Variants in ADAMTS18 observed in about 807,000 individuals in gnomAD.
ADAMTS18 encodes the protein ADAM metallopeptidase with thrombospondin type 1 motif 18, also known as A disintegrin and metalloproteinase with thrombospondin motifs 18.
Under a neutral mutation model 165.9 loss-of-function variants are expected in ADAMTS18, and 157 were observed. The observed-to-expected ratio is 0.95, with a 90% CI of 0.83 to 1.08. The LOEUF is 1.08. Among genes scored for constraint, ADAMTS18 ranks in the 50% least tolerant of loss-of-function variants. The pLI is 0.00. For synonymous variants in ADAMTS18, 782 were observed against 578.2 expected, an observed-to-expected ratio of 1.35 and a Z score of -5.06; for missense variants, 2,040 against 1,534.0, an observed-to-expected ratio of 1.33 and a Z score of -5.51.
chr16:77,391,939 A>G (rs1162282602), intron 3 of ADAMTS18, among the ~76,000 whole-genome samples: 1 of 152,204 alleles, frequency 6.6e-6, no homozygotes, highest in African/African-American at 2.4e-5. Flanking sequence ...TAACTTTAAT[A>G]AATGTAATTG....
chr16:77,308,510 T>G (rs1225811053), intron 16 of ADAMTS18, among the ~76,000 whole-genome samples: 1 of 151,320 alleles, frequency 6.6e-6, no homozygotes, highest in Non-Finnish European at 1.5e-5. Context: ...CATGAACTAG[T>G]AAGATACCTC....
In ADAMTS18 at chr16:77,341,739, G is replaced by A. The variant is rs769318252; in HGVS notation, c.1675C>T (p.Pro559Ser). Residue 559 changes from proline (P) to serine (S), a missense_variant, in exon 11 of 23, where the codon CCC (proline) becomes TCC (serine). By Grantham distance (74) the Pro-to-Ser change is moderately conservative (BLOSUM62 -1). Transcript: ENST00000282849. ...VGHRCETKFM[P>S]AAEGTVCGLS... The stretch of plus-strand genomic sequence containing the variant: ...CCACAAACGGTCCCTTCTGCTGCGG[G>A]CATAAACTTGGTCTCACACCTGTGG... 6.2e-7 allele frequency: 1 copy of A among 1,613,484 alleles called. No individual in the cohort carries two copies. The highest frequency in any genetic ancestry group is 2.2e-5 in the East Asian group (1 of 44,848).
intron 3 of ADAMTS18, among the ~76,000 whole-genome samples, chr16:77,411,030 G>A (rs117618795): frequency 0.012 from 1,895 of 152,074 alleles, 17 homozygotes; most frequent in South Asian, 0.045. Context: ...TCATTTTCCC[G>A]CAAATGCCAA....
chr16:77,420,002 TAAA>T (rs34486248), intron 3 of ADAMTS18, among the ~76,000 whole-genome samples: 8 of 91,262 alleles, frequency 8.8e-5, no homozygotes, highest in Admixed American at 3.0e-4. Flanking sequence ...TGTCGCAGAT[TAAA>T]AAAAAAAAAA....
chr16:77,292,923 C>T, intron 20 of ADAMTS18, 153 bp downstream of exon 20: 1 of 826,198 alleles, frequency 1.2e-6, no homozygotes, highest in Non-Finnish European at 1.9e-6. Context: ...GGGTTCACGC[C>T]ATGCTCCTGC....
rs2056811731 is a variant in ADAMTS18 at position 77,367,440 on chromosome 16, C to T, written c.778+1G>A. ...GAAAAAGAAAAAGTTTCCTTACATA[C>T]ATTTCTTGCGTCGTCCACAAAAATG... On this transcript the variant is annotated splice_donor_variant, in intron 4 of 22. Coordinates refer to ENST00000282849, the MANE Select transcript of ADAMTS18 (RefSeq NM_199355.4). LOFTEE classifies it high-confidence loss of function. 3 of 1,614,142 alleles carry T rather than the reference C, an allele frequency of 1.9e-6. No homozygotes were observed. Among genetic ancestry groups the T allele is most frequent in the Non-Finnish European group, 2.5e-6 (3 of 1,180,022 alleles).
At chr16:77,288,149 C>T (rs754415993) in intron 22 of ADAMTS18, among the ~76,000 whole-genome samples, 49 of 152,078 alleles carry the variant, frequency 3.2e-4, no homozygotes, top group Non-Finnish European at 6.2e-4. Flanking sequence ...AGACAAATGG[C>T]CTCCTTGGAC....
chr16:77,389,538 G>A (rs2057156979), intron 3 of ADAMTS18, among the ~76,000 whole-genome samples: 1 of 152,164 alleles, frequency 6.6e-6, no homozygotes, highest in Non-Finnish European at 1.5e-5. Flanking sequence ...AATAAGTAAT[G>A]GAGCAGGGCT....
At chr16:77,393,133 T>C (rs2144793545) in intron 3 of ADAMTS18, among the ~76,000 whole-genome samples, 1 of 152,326 alleles carries the variant, frequency 6.6e-6, no homozygotes, top group South Asian at 2.1e-4. Context: ...AGGGACCATC[T>C]GGTCACCATG....
intron 20 of ADAMTS18, among the ~76,000 whole-genome samples, chr16:77,292,450 G>A: frequency 6.6e-6 from 1 of 152,036 alleles, no homozygotes; most frequent in East Asian, 1.9e-4. Context: ...CTCTGTCTGG[G>A]ACAACCTTGC....
chr16:77,311,705 C>CT (rs5818052), intron 16 of ADAMTS18, among the ~76,000 whole-genome samples: 88,225 of 146,584 alleles, frequency 0.6, 26,866 homozygotes, highest in Non-Finnish European at 0.65. Context: ...CTGGAGTTTT[C>CT]TTTTTTTTTT....
chr16:77,362,002 G>C, intron 7 of ADAMTS18, 103 bp downstream of exon 7: 1 of 1,286,506 alleles, frequency 7.8e-7, no homozygotes. Context: ...TAAATATTAT[G>C]TCTGTTTATT....
intron 3 of ADAMTS18, among the ~76,000 whole-genome samples, chr16:77,407,662 C>G (rs988201858): frequency 6.6e-6 from 1 of 152,038 alleles, no homozygotes; most frequent in South Asian, 2.1e-4. Context: ...TCACCTATGA[C>G]AAGTATCAGC....
intron 16 of ADAMTS18, among the ~76,000 whole-genome samples, chr16:77,314,408 G>C (rs2055840732): frequency 6.6e-6 from 1 of 151,926 alleles, no homozygotes; most frequent in Admixed American, 6.6e-5. Flanking sequence ...AGGAGTTCCA[G>C]ACCAGCGTGA....
intron 3 of ADAMTS18, among the ~76,000 whole-genome samples, chr16:77,382,721 G>A (rs531002754): frequency 3.7e-4 from 56 of 152,342 alleles, no homozygotes; most frequent in African/African-American, 1.3e-3. Context: ...CACAAAGGCT[G>A]TTGGTGAACT....
intron 3 of ADAMTS18, among the ~76,000 whole-genome samples, chr16:77,393,385 A>T (rs1189811160): frequency 1.3e-5 from 2 of 152,228 alleles, no homozygotes; most frequent in Non-Finnish European, 2.9e-5. Context: ...ACACTGTTAC[A>T]CATGAACGAA....
Position 77,387,418 on chromosome 16 carries a change from T to G in ADAMTS18, c.496-19695A>C, listed in dbSNP as rs867031672. ...TTCATAAACCAAATATGTCTAGGCT[T>G]CCAGATTACCAATAAAAGCAGATAA... On this transcript the variant is annotated intron_variant, in intron 3 of 22. Coordinates refer to ENST00000282849, the MANE Select transcript of ADAMTS18 (RefSeq NM_199355.4). Among the ~76,000 whole-genome samples the G allele has an allele frequency of 1.6e-4, 25 of 152,290 alleles. 2 individuals are homozygous for G. The Middle Eastern group carries it at 0.037, about 228-fold the overall frequency.
chr16:77,300,071 G>C (rs1243549137), intron 17 of ADAMTS18, 192 bp downstream of exon 17: 23 of 613,594 alleles, frequency 3.7e-5, no homozygotes, highest in Non-Finnish European at 5.3e-5. Flanking sequence ...TTTGAGCTTT[G>C]TGAGAGTTGA....
At chr16:77,432,973 A>T (rs2144871580) in intron 2 of ADAMTS18, among the ~76,000 whole-genome samples, 1 of 151,722 alleles carries the variant, frequency 6.6e-6, no homozygotes, top group South Asian at 2.1e-4. Flanking sequence ...TTTCTTCTTG[A>T]CTCCCTCCTT....
Sources: gnomAD v4.1 joint callset for allele counts (sites outside exome capture counted in the v4.1 genomes callset) on GRCh38, gnomAD v4.1.1 for gene constraint, MANE v1.5 for transcripts, NCBI Gene and HGNC (gene_info 2026-07-23, HGNC 2026-07-21) for gene names.